C12orf56: variants seen among roughly 807,000 people sequenced by gnomAD.
The protein encoded by C12orf56 is chromosome 12 open reading frame 56, also known as uncharacterized protein C12orf56.
C12orf56 carries 71 observed loss-of-function variants against 69.9 expected under a neutral mutation model. That is an observed-to-expected ratio of 1.02 (90% CI 0.84 to 1.24). C12orf56 has a LOEUF of 1.24. Ranked by LOEUF, C12orf56 falls within the 50% of genes most tolerant of loss-of-function variation. The pLI, the probability that C12orf56 is intolerant of heterozygous loss-of-function variation, is 0.00. For missense variants in C12orf56, 732 were observed against 738.5 expected (o/e 0.99, Z 0.10); for synonymous variants, 276 against 274.1 (o/e 1.01, Z -0.07).
At position 64,390,312 on chromosome 12, in the gene C12orf56, A is replaced by T. The variant is rs1218310064; in HGVS notation, c.252+2T>A. On this transcript the variant is annotated splice_donor_variant, in intron 1 of 12. Coordinates refer to ENST00000543942, the MANE Select transcript of C12orf56 (RefSeq NM_001170633.2). LOFTEE classifies it high-confidence loss of function. ...GCCCGCCTGCCCACCCGCGCCGCTC[A>T]CCAGGTCAATGGCCACGACGTCCCG... 1 of 1,605,766 alleles carries T rather than the reference A, an allele frequency of 6.2e-7. No individual in the cohort carries two copies. Among genetic ancestry groups the T allele is most frequent in the South Asian group, 1.1e-5 (1 of 90,794 alleles).
intron 1 of C12orf56, among the ~76,000 whole-genome samples, chr12:64,354,683 TC>T (rs2039281370): frequency 6.7e-6 from 1 of 150,236 alleles, no homozygotes; most frequent in African/African-American, 2.4e-5. Flanking sequence ...GGTCTCGAAC[TC>T]CTGACCTCAG....
intron 4 of C12orf56, among the ~76,000 whole-genome samples, chr12:64,314,058 A>G (rs2038658599): frequency 6.6e-6 from 1 of 151,636 alleles, no homozygotes; most frequent in Admixed American, 6.6e-5. Flanking sequence ...AAAAAAAAAA[A>G]AAAAAAAAGA....
intron 1 of C12orf56, among the ~76,000 whole-genome samples, chr12:64,387,323 G>C (rs2039807972): frequency 6.6e-6 from 1 of 152,076 alleles, no homozygotes; most frequent in Non-Finnish European, 1.5e-5. Flanking sequence ...GTGCAAGATG[G>C]ACATTCAAGC....
chr12:64,270,650 A>T lies in C12orf56; in HGVS notation c.1649T>A (p.Leu550Gln). Residue 550 changes from leucine (L) to glutamine (Q), a missense_variant, in exon 12 of 13, where the codon CTA becomes CAA. By Grantham distance (113) the Leu-to-Gln change is moderately radical. Coordinates refer to ENST00000543942, the MANE Select transcript of C12orf56 (RefSeq NM_001170633.2). Reference sequence around the variant, plus strand: ...CAACAGAACTGCTTGGCAGGGACTTAGCAGCTGAAATGAAGCTGAAAGACC... The same window carrying T: ...CAACAGAACTGCTTGGCAGGGACTTTGCAGCTGAAATGAAGCTGAAAGACC... The part of the protein sequence containing the change: ...VRGLSASFQL[L>Q]SPCQAVLLYQ... 6.2e-7 allele frequency: 1 copy of T among 1,613,840 alleles called. No homozygotes were observed. The highest frequency in any genetic ancestry group is 8.5e-7 in the Non-Finnish European group (1 of 1,179,810).
chr12:64,270,241 C>CA (rs1284884833), intron 12 of C12orf56, among the ~76,000 whole-genome samples: 112 of 147,612 alleles, frequency 7.6e-4, no homozygotes, highest in East Asian at 1.4e-3. Context: ...ACTAAAAATA[C>CA]AAAAAAAAAA....
At chr12:64,305,886 A>G (rs184582976) in intron 5 of C12orf56, among the ~76,000 whole-genome samples, 3 of 152,338 alleles carry the variant, frequency 2.0e-5, no homozygotes, top group South Asian at 2.1e-4. Flanking sequence ...GTTTTTACAA[A>G]CAAAAGAGCT....
intron 1 of C12orf56, among the ~76,000 whole-genome samples, chr12:64,365,527 C>T (rs1025471813): frequency 2.0e-5 from 3 of 151,356 alleles, no homozygotes; most frequent in Non-Finnish European, 2.9e-5. Flanking sequence ...GTTACTTGCC[C>T]AAATTGCCAC....
At chr12:64,332,044 C>T (rs1161278868) in intron 2 of C12orf56, among the ~76,000 whole-genome samples, 4 of 151,994 alleles carry the variant, frequency 2.6e-5, no homozygotes, top group Admixed American at 2.6e-4. Context: ...GTGACTCACA[C>T]TTGTAATTAC....
At chr12:64,304,572 C>T (rs1277345022) in intron 5 of C12orf56, among the ~76,000 whole-genome samples, 2 of 152,166 alleles carry the variant, frequency 1.3e-5, no homozygotes, top group Non-Finnish European at 1.5e-5. Context: ...CCATTTCACT[C>T]ATTGTAGTTA....
At chr12:64,269,649 C>T (rs1253259673) in intron 12 of C12orf56, among the ~76,000 whole-genome samples, 3 of 151,858 alleles carry the variant, frequency 2.0e-5, no homozygotes, top group Non-Finnish European at 2.9e-5. Flanking sequence ...AGTGTGTCAG[C>T]ATGATCTCAG....
Position 64,274,890 on chromosome 12 carries a change from T to G in C12orf56, c.1584+11A>C. 6.3e-7 allele frequency: 1 copy of G among 1,596,082 alleles called. No homozygotes were observed. ...TTGGGGGTGATTTCGTTTTGACTTC[T>G]AGATACTTACGATGGGAGGACAGCT... is the stretch of plus-strand genomic sequence containing the variant. On this transcript the variant is annotated intron_variant, in intron 11 of 12. Transcript: ENST00000543942.
At chr12:64,322,569 G>C (rs1284833624) in intron 3 of C12orf56, among the ~76,000 whole-genome samples, 1 of 152,096 alleles carries the variant, frequency 6.6e-6, no homozygotes, top group Non-Finnish European at 1.5e-5. Context: ...TGTAATCCCA[G>C]CACTTTGGGA....
At chr12:64,359,621 A>G (rs2039370392) in intron 1 of C12orf56, among the ~76,000 whole-genome samples, 1 of 152,182 alleles carries the variant, frequency 6.6e-6, no homozygotes, top group African/African-American at 2.4e-5. Flanking sequence ...AGAGTTTTCT[A>G]AAAGCTTTTC....
intron 1 of C12orf56, among the ~76,000 whole-genome samples, chr12:64,384,852 G>A (rs773994227): frequency 6.6e-6 from 1 of 152,060 alleles, no homozygotes; most frequent in Non-Finnish European, 1.5e-5. Context: ...TTAGGATTTC[G>A]AGACTGGCCT....
intron 1 of C12orf56, among the ~76,000 whole-genome samples, chr12:64,364,880 G>A (rs2039444369): frequency 6.6e-6 from 1 of 151,914 alleles, no homozygotes; most frequent in South Asian, 2.1e-4. Context: ...GCCTCCTTTG[G>A]GCACTGCATG....
chr12:64,371,085 T>C (rs1376492232), intron 1 of C12orf56, among the ~76,000 whole-genome samples: 1 of 151,986 alleles, frequency 6.6e-6, no homozygotes, highest in Non-Finnish European at 1.5e-5. Context: ...ATGCCAAAAA[T>C]ACACAACAAG....
intron 3 of C12orf56, among the ~76,000 whole-genome samples, chr12:64,319,650 G>A (rs763070970): frequency 2.0e-5 from 3 of 152,196 alleles, no homozygotes; most frequent in Admixed American, 6.5e-5. Context: ...AGCTGGGAAG[G>A]TGACCACTTC....
intron 6 of C12orf56, among the ~76,000 whole-genome samples, chr12:64,301,068 C>T (rs977436819): frequency 6.6e-6 from 1 of 152,188 alleles, no homozygotes; most frequent in Non-Finnish European, 1.5e-5. Context: ...TGCCTTGCTT[C>T]CCCTTCGCCT....
chr12:64,324,480 G>A lies in C12orf56; in HGVS notation c.489-5500C>T, dbSNP rs77082176. Among the ~76,000 whole-genome samples the A allele has an allele frequency of 1.7e-3, 265 of 152,324 alleles. 1 individual carries two copies. Among genetic ancestry groups the A allele is most frequent in the African/African-American group, 6.2e-3 (259 of 41,580 alleles). On this transcript the variant is annotated intron_variant, in intron 3 of 12. Transcript: ENST00000543942. ...ACATTTAAGCTAAGATCTGAAGGAT[G>A]AGAAAGAGTGAGCCATGTGAAAAGC...
Sources: allele counts gnomAD v4.1 joint callset (sites outside exome capture counted in the v4.1 genomes callset), GRCh38; gene constraint gnomAD v4.1.1; transcripts MANE v1.5; gene names NCBI Gene and HGNC (gene_info 2026-07-23, HGNC 2026-07-21).